Variants in ERICH6 observed in about 807,000 individuals in gnomAD.
ERICH6 encodes glutamate rich 6.
A neutral mutation model predicts 71.0 loss-of-function variants in ERICH6; 71 were observed. The observed-to-expected ratio is 1.00, with a 90% CI of 0.83 to 1.22. ERICH6 has a LOEUF of 1.22. ERICH6 is among the 50% of genes most tolerant of loss of function. The pLI is 0.00. For synonymous variants in ERICH6, 262 were observed against 278.4 expected (o/e 0.94, Z 0.59); for missense variants, 808 against 797.2 (o/e 1.01, Z -0.16).
At chr3:150,686,503 G>T (rs574258228) in intron 3 of ERICH6, 149 bp from the exon 4 acceptor site, 3 of 691,144 alleles carry the variant, frequency 4.3e-6, no homozygotes, top group African/African-American at 3.6e-5. Flanking sequence ...ATAACATTTT[G>T]CCGACAATAA....
intron 7 of ERICH6, among the ~76,000 whole-genome samples, chr3:150,681,848 T>A (rs942602435): frequency 2.6e-5 from 3 of 116,548 alleles, no homozygotes; most frequent in Non-Finnish European, 4.9e-5. Context: ...AGAGTCTCAC[T>A]CTGTTGCCCA....
At chr3:150,669,171 T>C (rs981303320) in intron 12 of ERICH6, 125 bp downstream of exon 12, 2 of 1,044,958 alleles carry the variant, frequency 1.9e-6, no homozygotes, top group African/African-American at 3.2e-5. Context: ...AGTTGAACAT[T>C]ACCATCTAAA....
intron 1 of ERICH6, among the ~76,000 whole-genome samples, chr3:150,702,821 G>GTTTT (rs71138466): frequency 7.4e-6 from 1 of 135,944 alleles, no homozygotes; most frequent in African/African-American, 3.1e-5. Context: ...AAAGAGAGTT[G>GTTTT]TTTTTTTTTT....
chr3:150,673,855 A>T, intron 11 of ERICH6, 101 bp downstream of exon 11: 1 of 1,069,090 alleles, frequency 9.4e-7, no homozygotes, highest in Non-Finnish European at 1.4e-6. Context: ...TGCTGGCATT[A>T]CAGGTGTGAG....
At chr3:150,690,298 A>G (rs1712379252) in intron 3 of ERICH6, among the ~76,000 whole-genome samples, 1 of 151,842 alleles carries the variant, frequency 6.6e-6, no homozygotes, top group Non-Finnish European at 1.5e-5. Context: ...TTGCTATTTG[A>G]TTTTCACCTG....
intron 3 of ERICH6, among the ~76,000 whole-genome samples, chr3:150,694,289 G>T (rs1712569666): frequency 6.6e-6 from 1 of 151,866 alleles, no homozygotes; most frequent in African/African-American, 2.4e-5. Flanking sequence ...TCAGAAAGAT[G>T]AAACATCTTT....
At chr3:150,662,030 T>G (rs973649496) in intron 13 of ERICH6, among the ~76,000 whole-genome samples, 24 of 152,026 alleles carry the variant, frequency 1.6e-4, no homozygotes, top group African/African-American at 5.5e-4. Context: ...AAACAAACGC[T>G]AACAAAGAGA....
intron 8 of ERICH6, 40 bp downstream of exon 8, chr3:150,680,733 C>T (rs755501863): frequency 1.3e-6 from 2 of 1,576,618 alleles, no homozygotes; most frequent in South Asian, 2.4e-5. Context: ...TCCGATTAAG[C>T]CGGCCTGTAT....
chr3:150,702,269 A>ATTT, intron 1 of ERICH6, 91 bp from the exon 2 acceptor site: 1 of 352,256 alleles, frequency 2.8e-6, no homozygotes. Context: ...ATGTCTGGAG[A>ATTT]CTTTTTTTTT....
Position 150,672,739 on chromosome 3 carries a change from T to C in ERICH6, c.1343+1217A>G, listed in dbSNP as rs555482761. On this transcript the variant is annotated intron_variant, in intron 11 of 13. Coordinates refer to ENST00000295910, the MANE Select transcript of ERICH6 (RefSeq NM_152394.5). ...AGCCAAAAAAACATATATTTTTAAA[T>C]GCTGGCCAGACACAGTGGCTCACAC... 2.6e-4 allele frequency among the ~76,000 whole-genome samples: 39 copies of C among 152,052 alleles called. 1 individual carries two copies. The highest frequency in any genetic ancestry group is 3.4e-3 in the Middle Eastern group (1 of 294).
intron 3 of ERICH6, 103 bp downstream of exon 3, chr3:150,698,688 T>G: frequency 2.2e-6 from 2 of 921,492 alleles, no homozygotes; most frequent in Middle Eastern, 2.2e-4. Flanking sequence ...TAGTATGTGT[T>G]GGGGCTGGGA....
At chr3:150,693,590 C>T (rs180710595) in intron 3 of ERICH6, among the ~76,000 whole-genome samples, 7 of 152,084 alleles carry the variant, frequency 4.6e-5, no homozygotes, top group African/African-American at 1.4e-4. Context: ...AAAATTCCAT[C>T]AAAGCCAATT....
At chr3:150,696,151 C>T (rs1280270512) in intron 3 of ERICH6, among the ~76,000 whole-genome samples, 2 of 151,706 alleles carry the variant, frequency 1.3e-5, no homozygotes, top group Admixed American at 6.6e-5. Flanking sequence ...GAAATATATA[C>T]ACAATATATA....
chr3:150,663,767 C>T (rs1352209324), intron 13 of ERICH6, among the ~76,000 whole-genome samples: 2 of 152,030 alleles, frequency 1.3e-5, no homozygotes, highest in African/African-American at 2.4e-5. Context: ...CATAAGCCAC[C>T]GCGCCTGGCC....
At chr3:150,686,673 T>C (rs561091347) in intron 3 of ERICH6, among the ~76,000 whole-genome samples, 4 of 152,372 alleles carry the variant, frequency 2.6e-5, no homozygotes, top group Admixed American at 2.6e-4. Context: ...AACCCTACTA[T>C]GCACAAATTT....
intron 3 of ERICH6, among the ~76,000 whole-genome samples, chr3:150,695,350 A>G (rs1168343957): frequency 6.6e-6 from 1 of 152,132 alleles, no homozygotes; most frequent in Admixed American, 6.5e-5. Flanking sequence ...ATTAGAAAAT[A>G]CAATAGAAAA....
intron 6 of ERICH6, among the ~76,000 whole-genome samples, chr3:150,685,193 T>C (rs755786358): frequency 6.6e-6 from 1 of 152,118 alleles, no homozygotes; most frequent in Non-Finnish European, 1.5e-5. Flanking sequence ...AAAAGACATA[T>C]TGAAGTCCTA....
At chr3:150,700,879 G>T (rs964612165) in intron 2 of ERICH6, among the ~76,000 whole-genome samples, 1 of 152,156 alleles carries the variant, frequency 6.6e-6, no homozygotes, top group Non-Finnish European at 1.5e-5. Flanking sequence ...ACTGCATCTG[G>T]CAAAAACTTT....
In ERICH6 at chr3:150,686,372, A is replaced by G. The variant is rs774366552; in HGVS notation, c.554-18T>C. The G allele has an allele frequency of 3.1e-6, 5 of 1,610,394 alleles. No individual in the cohort carries two copies. The highest frequency in any genetic ancestry group is 1.7e-5 in the Admixed American group (1 of 59,436). ...TTTCTTCCCTGTGAAAACAGGGTACATGTGTCATCAATCTGACAAAGTAGA... is the reference window on the plus strand; with the variant it reads ...TTTCTTCCCTGTGAAAACAGGGTACGTGTGTCATCAATCTGACAAAGTAGA... On this transcript the variant is annotated intron_variant, in intron 3 of 13. Coordinates refer to ENST00000295910, the MANE Select transcript of ERICH6 (RefSeq NM_152394.5).
Sources: allele counts gnomAD v4.1 joint callset (sites outside exome capture counted in the v4.1 genomes callset), GRCh38; gene constraint gnomAD v4.1.1; transcripts MANE v1.5; gene names NCBI Gene and HGNC (gene_info 2026-07-23, HGNC 2026-07-21).